Variants in SERPINF1 observed in about 807,000 individuals in gnomAD.
SERPINF1 encodes the protein serpin family F member 1, also known as pigment epithelium-derived factor.
SERPINF1 carries 29 observed loss-of-function variants against 37.3 expected under a neutral mutation model. The ratio of observed to expected loss-of-function variants is 0.78; its 90% CI spans 0.58 to 1.06. The LOEUF is 1.06. SERPINF1 is among the 50% of genes least tolerant of loss of function. SERPINF1 has a pLI of 0.00. For synonymous variants in SERPINF1, 281 were observed against 227.9 expected, an observed-to-expected ratio of 1.23 and a Z score of -2.10; for missense variants, 553 against 532.2, an observed-to-expected ratio of 1.04 and a Z score of -0.38.
chr17:1,777,233 C>T lies in SERPINF1; in HGVS notation c.1044C>T (p.Gly348=), dbSNP rs1249247679. Residue 348 remains glycine (G), a synonymous_variant, in exon 8 of 8, where the codon GGC becomes GGT. Transcript: ENST00000254722. ...FDSPDFSKIT[G]KPIKLTQVEH... is the part of the protein sequence containing the mutation. ...CACCAGACTTTAGCAAGATCACAGG[C>T]AAACCCATCAAGCTGACTCAGGTGG... The T allele has an allele frequency of 6.2e-7, 1 of 1,614,030 alleles. No individual in the cohort carries two copies. The highest frequency in any genetic ancestry group is 8.5e-7 in the Non-Finnish European group (1 of 1,180,042).
At position 1,777,551 on chromosome 17, in the gene SERPINF1, G is replaced by A. The variant is rs933490911; in HGVS notation, c.*105G>A. ...TAAGGTTTCAATGCATACAATAAAA[G>A]AGCTTTATCCCTAACTTCTGTTACT... is the stretch of plus-strand genomic sequence containing the variant. On this transcript the variant is annotated 3_prime_UTR_variant, in exon 8 of 8. Transcript: ENST00000254722. The A allele has an allele frequency of 1.4e-6, 2 of 1,399,028 alleles. No homozygotes were observed. Among genetic ancestry groups the A allele is most frequent in the East Asian group, 4.6e-5 (2 of 43,756 alleles). The allele number at this position is 1,399,028 out of a possible 1,614,324, so 86.7% of individuals were successfully genotyped here.
intron 1 of SERPINF1, among the ~76,000 whole-genome samples, chr17:1,763,855 C>T (rs912124371): frequency 1.5e-4 from 23 of 152,240 alleles, no homozygotes; most frequent in African/African-American, 4.1e-4. Flanking sequence ...GTCGCTCCTT[C>T]AAGTCCATTT....
At chr17:1,767,698 T>C (rs1417023297) in intron 2 of SERPINF1, among the ~76,000 whole-genome samples, 1 of 152,200 alleles carries the variant, frequency 6.6e-6, no homozygotes, top group African/African-American at 2.4e-5. Flanking sequence ...CTGGGCATCT[T>C]GGCGAGAGCC....
rs115846365 is a variant in SERPINF1, at chr17:1,775,002, C to T, written c.644-56C>T. On this transcript the variant is annotated intron_variant, in intron 5 of 7. Transcript: ENST00000254722. The stretch of plus-strand genomic sequence containing the variant: ...AACGTGCTCTGGGGACACAGCATGG[C>T]GCCACTGTCTTTCTGGTCTCCTGGG... 1.5e-3 allele frequency: 2,390 copies of T among 1,610,220 alleles called. 35 individuals are homozygous for T. The African/African-American group carries it at 0.028, about 19-fold the overall frequency.
chr17:1,767,183 G>C (rs976105563), intron 2 of SERPINF1, among the ~76,000 whole-genome samples, 189 bp downstream of exon 2: 6 of 152,206 alleles, frequency 3.9e-5, no homozygotes, highest in Admixed American at 3.3e-4. Flanking sequence ...AGGGGATGGA[G>C]TAGGGACATG....
chr17:1,775,237 A>G, intron 6 of SERPINF1, 37 bp downstream of exon 6: 1 of 1,598,318 alleles, frequency 6.3e-7, no homozygotes, highest in Non-Finnish European at 8.6e-7. Flanking sequence ...GGGTGGATGG[A>G]GGGAGAGGAT....
intron 2 of SERPINF1, among the ~76,000 whole-genome samples, chr17:1,769,152 G>A (rs1204108686): frequency 1.3e-5 from 2 of 151,176 alleles, no homozygotes; most frequent in Non-Finnish European, 3.0e-5. Context: ...GCTCATGCCT[G>A]TAATCCCAGC....
chr17:1,775,733 C>A (rs1316761224), intron 6 of SERPINF1, among the ~76,000 whole-genome samples: 2 of 152,174 alleles, frequency 1.3e-5, no homozygotes, highest in Non-Finnish European at 2.9e-5. Flanking sequence ...GGGGTTTCTC[C>A]ATGTTGGTCA....
chr17:1,771,237 A>G lies in SERPINF1; in HGVS notation c.439+53A>G, dbSNP rs891726392. On this transcript the variant is annotated intron_variant, in intron 4 of 7. Transcript: ENST00000254722. ...CTGAGGCATGTGGGCTCCATGCTGC[A>G]GGCTGGGGGGGTCTTTTTTTTTTTT... 33 of 1,519,572 alleles carry G rather than the reference A, an allele frequency of 2.2e-5. No individual in the cohort carries two copies. The Admixed American group carries it at 4.8e-4, about 22-fold the overall frequency. 94.1% of individuals were successfully genotyped at this position (1,519,572 alleles called of 1,614,324 possible).
intron 2 of SERPINF1, 170 bp from the exon 3 acceptor site, chr17:1,769,682 C>G: frequency 1.4e-6 from 1 of 711,480 alleles, no homozygotes; most frequent in East Asian, 2.6e-5. Flanking sequence ...AGAGCTCATG[C>G]GTGATCAGGG....
At position 1,777,474 on chromosome 17, in the gene SERPINF1, AG is replaced by A. The variant is rs1908118361; in HGVS notation, c.*29del. On this transcript the variant is annotated 3_prime_UTR_variant, in exon 8 of 8. Coordinates refer to ENST00000254722, the MANE Select transcript of SERPINF1 (RefSeq NM_002615.7). Reference sequence around the variant, plus strand: ...TCCCAGTTTAATATTCCAATACCCTAGAAGAAAACCCGAGGGACAGCAGATT... The same window carrying A: ...TCCCAGTTTAATATTCCAATACCCTAAAGAAAACCCGAGGGACAGCAGATT... 2.5e-6 allele frequency: 4 copies of A among 1,613,690 alleles called. No homozygotes were observed. The South Asian group carries it at 4.4e-5, about 18-fold the overall frequency.
chr17:1,770,736 A>G (rs938953514), intron 3 of SERPINF1: 36 of 382,582 alleles, frequency 9.4e-5, no homozygotes, highest in Middle Eastern at 8.6e-4. Flanking sequence ...CTGGGATTAC[A>G]GGCGTGAGCC....
intron 1 of SERPINF1, chr17:1,766,603 C>T (rs1209251151): frequency 1.4e-5 from 2 of 144,152 alleles, no homozygotes; most frequent in Non-Finnish European, 2.6e-5. Flanking sequence ...TAAATAAAAG[C>T]TTTAGGCTTA....
At chr17:1,775,547 CTTT>C (rs148801713) in intron 6 of SERPINF1, among the ~76,000 whole-genome samples, 13 of 142,936 alleles carry the variant, frequency 9.1e-5, no homozygotes, top group African/African-American at 7.9e-5. Flanking sequence ...TCGTTGGCAT[CTTT>C]TTTTTTTTTT....
intron 1 of SERPINF1, among the ~76,000 whole-genome samples, chr17:1,763,343 T>G (rs1282909718): frequency 6.6e-6 from 1 of 152,080 alleles, no homozygotes. Flanking sequence ...TCACAAAAGC[T>G]TCTGTGTTTC....
rs1907699061 is a variant in SERPINF1, at chr17:1,771,075, T to C, written c.330T>C (p.Tyr110=). 6.2e-7 allele frequency: 1 copy of C among 1,614,090 alleles called. No individual in the cohort carries two copies. The highest frequency in any genetic ancestry group is 2.2e-5 in the East Asian group (1 of 44,872). Residue 110 remains tyrosine (Y), a synonymous_variant, in exon 4 of 8, where the codon TAT becomes TAC. Coordinates refer to ENST00000254722, the MANE Select transcript of SERPINF1 (RefSeq NM_002615.7). The part of the protein sequence containing the change: ...TESIIHRALY[Y]DLISSPDIHG... ...CCATCATTCACCGGGCTCTCTACTA[T>C]GACTTGATCAGCAGCCCAGACATCC...
intron 5 of SERPINF1, among the ~76,000 whole-genome samples, chr17:1,773,751 C>T (rs909695203): frequency 4.6e-5 from 7 of 152,152 alleles, no homozygotes; most frequent in African/African-American, 1.7e-4. Flanking sequence ...CGACATCCTT[C>T]TAGGCTGTGG....
chr17:1,773,865 T>C (rs1003507003), intron 5 of SERPINF1, among the ~76,000 whole-genome samples: 2 of 152,058 alleles, frequency 1.3e-5, no homozygotes, highest in African/African-American at 2.4e-5. Context: ...GGGCAAACTC[T>C]CCCTTAAAAC....
intron 2 of SERPINF1, among the ~76,000 whole-genome samples, chr17:1,768,032 T>G (rs1907490578): frequency 6.6e-6 from 1 of 151,928 alleles, no homozygotes; most frequent in Admixed American, 6.6e-5. Flanking sequence ...GTGAGACCCC[T>G]GTCTCTACAA....
Sources: allele counts gnomAD v4.1 joint callset (sites outside exome capture counted in the v4.1 genomes callset), GRCh38; gene constraint gnomAD v4.1.1; transcripts MANE v1.5; gene names NCBI Gene and HGNC (gene_info 2026-07-23, HGNC 2026-07-21).